The following MYO5B variants were observed in gnomAD, a reference collection of about 807,000 sequenced individuals.
MYO5B encodes the protein unconventional myosin-Vb.
A neutral mutation model predicts 229.3 loss-of-function variants in MYO5B; 143 were observed. The observed-to-expected ratio is 0.62, with a 90% CI of 0.54 to 0.72. The LOEUF is 0.72. MYO5B is among the 30% of genes least tolerant of loss of function. The pLI, the probability that MYO5B is intolerant of heterozygous loss-of-function variation, is 0.00. For synonymous variants in MYO5B, 918 were observed against 885.2 expected, an observed-to-expected ratio of 1.04 and a Z score of -0.66; for missense variants, 2,321 against 2,331.0, an observed-to-expected ratio of 1.00 and a Z score of 0.09.
chr18:50,086,192 T>G (rs2031326162), intron 1 of MYO5B, among the ~76,000 whole-genome samples: 1 of 152,140 alleles, frequency 6.6e-6, no homozygotes, highest in South Asian at 2.1e-4. Flanking sequence ...TTCTACTCAC[T>G]CCAGATTTTT....
intron 1 of MYO5B, among the ~76,000 whole-genome samples, chr18:50,092,877 T>C (rs1189760513): frequency 2.6e-5 from 4 of 152,156 alleles, no homozygotes; most frequent in Non-Finnish European, 4.4e-5. Context: ...TTTAAAACCT[T>C]AAGCATGCTA....
At chr18:50,133,717 G>C (rs1465452467) in intron 1 of MYO5B, among the ~76,000 whole-genome samples, 3 of 152,088 alleles carry the variant, frequency 2.0e-5, no homozygotes, top group Non-Finnish European at 4.4e-5. Flanking sequence ...ATCTTTAACA[G>C]AATCACCTGG....
At chr18:49,888,335 C>A (rs1306819754) in intron 22 of MYO5B, among the ~76,000 whole-genome samples, 2 of 152,112 alleles carry the variant, frequency 1.3e-5, no homozygotes, top group African/African-American at 2.4e-5. Context: ...GGCAAAATCA[C>A]CCCGATTGAG....
intron 1 of MYO5B, among the ~76,000 whole-genome samples, chr18:50,164,027 G>A (rs186309640): frequency 9.2e-5 from 14 of 152,238 alleles, no homozygotes; most frequent in African/African-American, 3.4e-4. Context: ...AACATTACAG[G>A]CAAAGAATAT....
At chr18:50,144,950 C>G (rs1324740057) in intron 1 of MYO5B, among the ~76,000 whole-genome samples, 4 of 152,120 alleles carry the variant, frequency 2.6e-5, no homozygotes, top group Non-Finnish European at 4.4e-5. Context: ...TCTTCAAATC[C>G]CTCAGAGTGT....
At chr18:50,100,973 G>A (rs1368861200) in intron 1 of MYO5B, among the ~76,000 whole-genome samples, 1 of 152,198 alleles carries the variant, frequency 6.6e-6, no homozygotes, top group Non-Finnish European at 1.5e-5. Flanking sequence ...TGTTCCTTAA[G>A]AAGACCACAG....
At chr18:49,975,239 G>A (rs2025737488) in intron 9 of MYO5B, among the ~76,000 whole-genome samples, 1 of 152,110 alleles carries the variant, frequency 6.6e-6, no homozygotes, top group Non-Finnish European at 1.5e-5. Flanking sequence ...AAGGTGGATG[G>A]GCCCTTCGAA....
In MYO5B at chr18:50,045,524, G is replaced by C. The variant is rs1302115521; in HGVS notation, c.139-5210C>G. On this transcript the variant is annotated intron_variant, in intron 2 of 39. Transcript: ENST00000285039. ...TCCTCCTGCCTCGGCCTCCCAAGTAGCTCGGACTACAGTTATGTGCCATCA... is the reference window on the plus strand; with the variant it reads ...TCCTCCTGCCTCGGCCTCCCAAGTACCTCGGACTACAGTTATGTGCCATCA... Among the ~76,000 whole-genome samples the C allele has an allele frequency of 4.6e-5, 7 of 152,224 alleles. No homozygotes were observed. In the East Asian group the frequency reaches 1.4e-3, roughly 29 times the overall value.
In MYO5B at chr18:49,953,297, A is replaced by G. The variant is rs1487926458; in HGVS notation, c.1715T>C (p.Val572Ala). ...CAGGATATTGATCTGCTCTTCATAC[A>G]CCGTGTCTCTGTTTTTCTCCAGAAA... ...DGFLEKNRDT[V>A]YEEQINILKA... The change falls in exon 14 of 40, where the codon GTG (valine) becomes GCG (alanine). Residue 572 changes from valine to alanine, a missense_variant. Around this residue, in one of 2 missense-constraint regions of MYO5B, gnomAD observed 2,113 missense variants for 2,044.7 expected, o/e 1.03. Transcript: ENST00000285039. 1 of 1,613,886 alleles carries G rather than the reference A, an allele frequency of 6.2e-7. No individual in the cohort carries two copies. The highest frequency in any genetic ancestry group is 8.5e-7 in the Non-Finnish European group (1 of 1,179,976).
At chr18:50,155,405 A>C (rs1408271260) in intron 1 of MYO5B, among the ~76,000 whole-genome samples, 1 of 152,250 alleles carries the variant, frequency 6.6e-6, no homozygotes, top group African/African-American at 2.4e-5. Flanking sequence ...AATGGTATTT[A>C]ACCAGGTACT....
chr18:50,084,183 C>G (rs1163136985), intron 1 of MYO5B, among the ~76,000 whole-genome samples: 1 of 152,194 alleles, frequency 6.6e-6, no homozygotes, highest in East Asian at 1.9e-4. Flanking sequence ...AAAGAAGACT[C>G]TGTGCTCCTT....
At chr18:49,841,328 G>A (rs781454690) in intron 35 of MYO5B, 37 bp downstream of exon 35, 2 of 1,588,328 alleles carry the variant, frequency 1.3e-6, no homozygotes, top group East Asian at 2.2e-5. Context: ...TTTGGATGAA[G>A]CAGGAATGCC....
chr18:50,094,779 C>A (rs1165712776), intron 1 of MYO5B, among the ~76,000 whole-genome samples: 1 of 152,166 alleles, frequency 6.6e-6, no homozygotes, highest in African/African-American at 2.4e-5. Context: ...CATTAGGCCA[C>A]TAAAAACTGA....
chr18:50,102,911 G>A (rs999015962), intron 1 of MYO5B, among the ~76,000 whole-genome samples: 9 of 152,094 alleles, frequency 5.9e-5, no homozygotes, highest in African/African-American at 1.9e-4. Flanking sequence ...GAGCAATGAA[G>A]AGGGAGTCCT....
At chr18:49,855,105 C>G (rs892267422) in intron 30 of MYO5B, among the ~76,000 whole-genome samples, 4 of 152,162 alleles carry the variant, frequency 2.6e-5, no homozygotes, top group Admixed American at 6.5e-5. Flanking sequence ...ATATTGGCTA[C>G]AGTAAGCACA....
intron 1 of MYO5B, among the ~76,000 whole-genome samples, chr18:50,155,469 G>A (rs1033822413): frequency 3.3e-5 from 5 of 152,054 alleles, no homozygotes; most frequent in Admixed American, 2.0e-4. Flanking sequence ...TCAGTATTTT[G>A]AGATAAAAAA....
chr18:49,879,908 T>C (rs549592785), intron 23 of MYO5B, among the ~76,000 whole-genome samples: 6 of 152,338 alleles, frequency 3.9e-5, no homozygotes, highest in African/African-American at 1.4e-4. Flanking sequence ...GATGCGTGGA[T>C]GGACATGAAA....
chr18:50,021,643 G>A (rs980725280), intron 4 of MYO5B, among the ~76,000 whole-genome samples: 10 of 149,444 alleles, frequency 6.7e-5, no homozygotes, highest in Admixed American at 1.3e-4. Flanking sequence ...TGTCCCTCAC[G>A]TTGCAGGTTC....
intron 18 of MYO5B, 101 bp downstream of exon 18, chr18:49,911,958 TAAG>T: frequency 1.2e-6 from 1 of 866,146 alleles, no homozygotes. Context: ...ATAGATTCAG[TAAG>T]AAGGATGAAG....
Sources: allele counts gnomAD v4.1 joint callset (sites outside exome capture counted in the v4.1 genomes callset), GRCh38; gene constraint gnomAD v4.1.1; regional missense constraint gnomAD v4.1.1; transcripts MANE v1.5; gene names NCBI Gene and HGNC (gene_info 2026-07-23, HGNC 2026-07-21).